The following TELO2 variants were observed in gnomAD, a reference collection of about 807,000 sequenced individuals.
The protein encoded by TELO2 is telomere length regulation protein TEL2 homolog.
TELO2 carries 71 observed loss-of-function variants against 91.0 expected under a neutral mutation model. That is an observed-to-expected ratio of 0.78 (90% confidence interval 0.64 to 0.95). The LOEUF (loss-of-function observed/expected upper bound fraction) is 0.95, where lower values mean the gene tolerates loss of function less well. TELO2 is among the 40% of genes least tolerant of loss of function. TELO2 has a pLI of 0.00. For synonymous variants in TELO2, 584 were observed against 518.9 expected, an observed-to-expected ratio of 1.13 and a Z score of -1.71; for missense variants, 1,183 against 1,141.3, an observed-to-expected ratio of 1.04 and a Z score of -0.53.
Position 1,505,650 on chromosome 16 carries a change from G to T in TELO2, c.2034+49G>T. On this transcript the variant is annotated intron_variant, in intron 16 of 20. Coordinates refer to ENST00000262319, the MANE Select transcript of TELO2 (RefSeq NM_016111.4). This position sits in a 1 kb window ranked among gnomAD's most constrained non-coding sequence, Gnocchi z 4.3. The stretch of plus-strand genomic sequence containing the variant: ...TCACGGGCATGGGGACCGTGGGTGG[G>T]TGGGAAGGGCGGTCAGACACCTCCA... The T allele has an allele frequency of 2.7e-6, 4 of 1,455,512 alleles. No homozygotes were observed. Among genetic ancestry groups the T allele is most frequent in the Non-Finnish European group, 3.8e-6 (4 of 1,058,698 alleles). The allele number at this position is 1,455,512 out of a possible 1,614,324, so 90.2% of individuals were successfully genotyped here.
chr16:1,507,270 C>T (rs1434308383), intron 18 of TELO2, 36 bp from the exon 19 acceptor site: 9 of 1,600,766 alleles, frequency 5.6e-6, no homozygotes, highest in East Asian at 2.2e-5. Flanking sequence ...GGGACGGCGT[C>T]GGGACCCCAC....
At position 1,502,979 on chromosome 16, in the gene TELO2, C is replaced by T. The variant is rs146401595; in HGVS notation, c.1819C>T (p.Arg607Trp). ...SQFYALNYSL[R>W]QRMDILDVLT... is the part of the protein sequence containing the mutation. ...GTTCTATGCCCTCAACTACAGCCTC[C>T]GGCAGCGCATGGACATCCTGGATGT... The change falls in exon 15 of 21, where the codon CGG becomes TGG. Residue 607 changes from arginine to tryptophan, a missense_variant. Physicochemically the swap from Arg to Trp is moderately radical, Grantham distance 101. Transcript: ENST00000262319. 2,086 of 1,611,104 alleles carry T rather than the reference C, an allele frequency of 1.3e-3. 6 individuals carry two copies. Among genetic ancestry groups the T allele is most frequent in the South Asian group, 2.3e-3 (207 of 91,090 alleles).
chr16:1,496,840 G>A (rs1224745576), intron 3 of TELO2, among the ~76,000 whole-genome samples, 196 bp from the exon 4 acceptor site: 1 of 152,250 alleles, frequency 6.6e-6, no homozygotes, highest in East Asian at 1.9e-4. Context: ...AGGTTTGAAA[G>A]GATTGTGATT....
chr16:1,504,861 G>A (rs1004799033), intron 15 of TELO2, among the ~76,000 whole-genome samples: 2 of 149,538 alleles, frequency 1.3e-5, no homozygotes, highest in African/African-American at 5.0e-5. Flanking sequence ...AACATCCACA[G>A]TGTCACGCAG....
rs747178885 is a variant in TELO2, at chr16:1,507,731, G to T, written c.2407+15G>T. The T allele has an allele frequency of 3.8e-6, 6 of 1,595,272 alleles. No homozygotes were observed. The highest frequency in any genetic ancestry group is 4.2e-6 in the Non-Finnish European group (5 of 1,176,998). On this transcript the variant is annotated intron_variant, in intron 20 of 20. Coordinates refer to ENST00000262319, the MANE Select transcript of TELO2 (RefSeq NM_016111.4). ...CTGGCTGGCGGGTGAGTGTCGGCCT[G>T]CGGTGTGTGTGTGAGATGTGTGTCG... is the stretch of plus-strand genomic sequence containing the variant.
At chr16:1,502,586 T>A in intron 13 of TELO2, 59 bp from the exon 14 acceptor site, 1 of 1,577,256 alleles carries the variant, frequency 6.3e-7, no homozygotes, top group South Asian at 1.1e-5. Context: ...TGAGCCTCGG[T>A]GAGGCCTCGG....
chr16:1,502,893 G>C, intron 14 of TELO2, 38 bp from the exon 15 acceptor site: 2 of 1,607,846 alleles, frequency 1.2e-6, no homozygotes, highest in South Asian at 2.2e-5. Flanking sequence ...GTGGCCCTCA[G>C]GTCCCGGACC....
chr16:1,497,389 GC>G lies in TELO2; in HGVS notation c.712del (p.Leu238TrpfsTer31), dbSNP rs1318142595. 1 of 1,549,786 alleles carries G rather than the reference GC, an allele frequency of 6.5e-7. No individual in the cohort carries two copies. Among genetic ancestry groups the G allele is most frequent in the East Asian group, 2.4e-5 (1 of 40,942 alleles). On this transcript the variant is annotated frameshift_variant, in exon 5 of 21. Transcript: ENST00000262319. LOFTEE classifies it high-confidence loss of function. This position sits in a 1 kb window ranked among gnomAD's most constrained non-coding sequence, Gnocchi z 4.0. ...QEILGVLVPR[L>X]AALTQGSYLH... is the part of the protein sequence containing the mutation. ...AGATCCTGGGCGTGCTGGTACCCCG[GC>G]TGGCAGCGCTCACCCAGGGCAGCTA...
At chr16:1,504,149 A>G (rs1428594347) in intron 15 of TELO2, among the ~76,000 whole-genome samples, 1 of 149,034 alleles carries the variant, frequency 6.7e-6, no homozygotes, top group Non-Finnish European at 1.5e-5. Context: ...AAAAAAAAAA[A>G]AGCAGCCGGC....
Position 1,507,727 on chromosome 16 carries a change from G to C in TELO2, c.2407+11G>C. 6.3e-7 allele frequency: 1 copy of C among 1,596,492 alleles called. No homozygotes were observed. ...GGTCCTGGCTGGCGGGTGAGTGTCG[G>C]CCTGCGGTGTGTGTGTGAGATGTGT... is the stretch of plus-strand genomic sequence containing the variant. On this transcript the variant is annotated intron_variant, in intron 20 of 20. Coordinates refer to ENST00000262319, the MANE Select transcript of TELO2 (RefSeq NM_016111.4).
rs993235648 is a variant in TELO2 at position 1,507,441 on chromosome 16, G to A, written c.2291+71G>A. On this transcript the variant is annotated intron_variant, in intron 19 of 20. Coordinates refer to ENST00000262319, the MANE Select transcript of TELO2 (RefSeq NM_016111.4). ...ACAGGGGTCTTATTGTGGGGGCCCC[G>A]TGGAGCCTCGAGGTGGCTGACAGGC... The A allele has an allele frequency of 3.9e-5, 61 of 1,575,038 alleles. No homozygotes were observed. In the African/African-American group the frequency reaches 7.1e-4, roughly 18 times the overall value.
intron 20 of TELO2, among the ~76,000 whole-genome samples, chr16:1,509,512 CTT>C (rs768281976): frequency 1.3e-5 from 2 of 152,264 alleles, no homozygotes; most frequent in Non-Finnish European, 2.9e-5. Flanking sequence ...GACCACAGCC[CTT>C]GTCTGCCGTC....
chr16:1,500,071 G>A (rs768429366), intron 6 of TELO2, 25 bp from the exon 7 acceptor site: 6 of 1,602,348 alleles, frequency 3.7e-6, no homozygotes, highest in Non-Finnish European at 5.1e-6. Context: ...TCAGCCCAGT[G>A]GACAGGCATG....
At chr16:1,504,703 G>A (rs534920423) in intron 15 of TELO2, among the ~76,000 whole-genome samples, 57 of 151,006 alleles carry the variant, frequency 3.8e-4, no homozygotes, top group African/African-American at 1.4e-3. Flanking sequence ...GACTACAGGC[G>A]CCCGCCACCA....
intron 16 of TELO2, 65 bp from the exon 17 acceptor site, chr16:1,506,173 G>A: frequency 6.4e-7 from 1 of 1,567,020 alleles, no homozygotes; most frequent in Non-Finnish European, 8.7e-7. Context: ...ATCCTCTCGG[G>A]CTAGGGGTGC....
intron 15 of TELO2, among the ~76,000 whole-genome samples, chr16:1,504,433 CAAAAA>C (rs1197074771): frequency 3.7e-5 from 1 of 26,920 alleles, no homozygotes; most frequent in African/African-American, 1.1e-4. Flanking sequence ...GACTCCATCT[CAAAAA>C]AAAAAAAAAA....
chr16:1,500,511 C>A lies in TELO2; in HGVS notation c.1144+23C>A, dbSNP rs758945458. On this transcript the variant is annotated intron_variant, in intron 8 of 20. Coordinates refer to ENST00000262319, the MANE Select transcript of TELO2 (RefSeq NM_016111.4). ...ATGGTGAGCGGGTGGTTTGGGCTCC[C>A]CCCGGCCTCGGGCGCCCCGAGGTGC... The A allele has an allele frequency of 1.9e-6, 3 of 1,609,406 alleles. No individual in the cohort carries two copies. The African/African-American group carries it at 4.0e-5, about 21-fold the overall frequency.
At chr16:1,504,551 CTT>C (rs1169712120) in intron 15 of TELO2, among the ~76,000 whole-genome samples, 1 of 79,360 alleles carries the variant, frequency 1.3e-5, no homozygotes, top group African/African-American at 5.4e-5. Flanking sequence ...CGTAACTGGT[CTT>C]TTTTTTTTTT....
At chr16:1,502,169 T>G in intron 12 of TELO2, 34 bp downstream of exon 12, 2 of 1,610,630 alleles carry the variant, frequency 1.2e-6, no homozygotes, top group Non-Finnish European at 1.7e-6. Context: ...CTTGCTGGGC[T>G]GGGCATGGGT....
Sources: gnomAD v4.1 joint callset for allele counts (sites outside exome capture counted in the v4.1 genomes callset) on GRCh38, gnomAD v4.1.1 for gene constraint, Gnocchi (gnomAD v3.1) non-coding constraint, MANE v1.5 for transcripts, NCBI Gene and HGNC (gene_info 2026-07-23, HGNC 2026-07-21) for gene names.